Variants in BMP1 observed in about 807,000 individuals in gnomAD.
BMP1 encodes mammalian tolloid protein.
A neutral mutation model predicts 116.8 loss-of-function variants in BMP1; 63 were observed. The ratio of observed to expected loss-of-function variants is 0.54; its 90% CI spans 0.44 to 0.67. BMP1 has a LOEUF of 0.67. BMP1 is among the 30% of genes least tolerant of loss of function. The probability of loss-of-function intolerance (pLI) is 0.00; values close to 1 mark genes in which losing one functional copy is unlikely to be tolerated. For missense variants in BMP1, 1,183 were observed against 1,358.9 expected (o/e 0.87, Z 2.04); for synonymous variants, 536 against 533.4 (o/e 1.00, Z -0.07).
At chr8:22,209,361 G>A (rs761547432) in intron 18 of BMP1, 84 bp from the exon 19 acceptor site, 129 of 1,550,396 alleles carry the variant, frequency 8.3e-5, no homozygotes, top group African/African-American at 3.0e-4. Flanking sequence ...CCATCCTGCC[G>A]TGAGGGCACG....
intron 1 of BMP1, among the ~76,000 whole-genome samples, chr8:22,166,500 A>G (rs1403327630): frequency 6.6e-6 from 1 of 152,188 alleles, no homozygotes; most frequent in Non-Finnish European, 1.5e-5. Context: ...TGATTGGATG[A>G]CCCTGGGCAG....
intron 16 of BMP1, among the ~76,000 whole-genome samples, chr8:22,205,716 G>T (rs1467232425): frequency 6.6e-6 from 1 of 152,180 alleles, no homozygotes; most frequent in East Asian, 1.9e-4. Flanking sequence ...TCAAGGCTAT[G>T]GTGAGCTATG....
At chr8:22,199,689 G>A (rs562836709) in intron 15 of BMP1, among the ~76,000 whole-genome samples, 1 of 152,320 alleles carries the variant, frequency 6.6e-6, no homozygotes, top group East Asian at 1.9e-4. Flanking sequence ...GCCCCCCAAA[G>A]CTTCTAGCAC....
intron 15 of BMP1, chr8:22,199,143 C>A (rs1041859936): frequency 7.3e-7 from 1 of 1,367,636 alleles, no homozygotes; most frequent in South Asian, 1.1e-5. Context: ...ACACACACGC[C>A]CACACGCACA....
chr8:22,165,650 G>C (rs1440683570), intron 1 of BMP1, 97 bp downstream of exon 1: 9 of 1,333,448 alleles, frequency 6.7e-6, no homozygotes, highest in Non-Finnish European at 8.8e-6. Flanking sequence ...GTGGGAAGCC[G>C]GGAGCTGCCT....
chr8:22,179,930 T>A lies in BMP1; in HGVS notation c.961+101T>A, dbSNP rs891680188. The stretch of plus-strand genomic sequence containing the variant: ...ACCAAGAAGGCTTAGGCTGCAAGTC[T>A]TAGAGAATGGTGTGGCGGGGGAGGG... On this transcript the variant is annotated intron_variant, in intron 7 of 19. Coordinates refer to ENST00000306385, the MANE Select transcript of BMP1 (RefSeq NM_006129.5). The surrounding 1 kb of genome is among the most constrained non-coding windows in gnomAD (Gnocchi z 4.6). The A allele has an allele frequency of 2.3e-6, 3 of 1,306,486 alleles. No homozygotes were observed. The highest frequency in any genetic ancestry group is 3.1e-6 in the Non-Finnish European group (3 of 954,286). 80.9% of individuals were successfully genotyped at this position (1,306,486 alleles called of 1,614,324 possible).
At position 22,179,904 on chromosome 8, in the gene BMP1, C is replaced by T. The variant is rs775370724; in HGVS notation, c.961+75C>T. 89 of 1,457,100 alleles carry T rather than the reference C, an allele frequency of 6.1e-5. No homozygotes were observed. The highest frequency in any genetic ancestry group is 8.1e-5 in the Non-Finnish European group (87 of 1,069,806). The allele number at this position is 1,457,100 out of a possible 1,614,324, so 90.3% of individuals were successfully genotyped here. A position where few individuals can be genotyped will look rare whatever the true frequency, so the allele number is the denominator to read the frequency against. On this transcript the variant is annotated intron_variant, in intron 7 of 19. Transcript: ENST00000306385. The surrounding 1 kb of genome is among the most constrained non-coding windows in gnomAD (Gnocchi z 4.6). ...GAGGCAGAGGCCAGGTGCCTGGTGC[C>T]ACCAAGAAGGCTTAGGCTGCAAGTC...
chr8:22,166,872 G>C (rs1828128803), intron 1 of BMP1, among the ~76,000 whole-genome samples: 1 of 152,162 alleles, frequency 6.6e-6, no homozygotes, highest in Non-Finnish European at 1.5e-5. Flanking sequence ...GGGCAGAGTG[G>C]ACTGCGCATG....
At position 22,194,506 on chromosome 8, in the gene BMP1, C is replaced by T. The variant is rs145243090; in HGVS notation, c.1359C>T (p.Asp453=). Residue 453 remains aspartate (D), a synonymous_variant, in exon 11 of 20, where the codon GAC becomes GAT. Transcript: ENST00000306385. The surrounding 1 kb of genome is among the most constrained non-coding windows in gnomAD (Gnocchi z 4.5). ...YGHIQSPNYP[D]DYRPSKVCIW... ...ACATTCAATCGCCCAACTACCCAGA[C>T]GATTACCGGCCCAGCAAAGTCTGCA... 5.9e-5 allele frequency: 96 copies of T among 1,614,182 alleles called. No individual in the cohort carries two copies. The highest frequency in any genetic ancestry group is 1.1e-4 in the African/African-American group (8 of 75,034).
rs976224880 is a variant in BMP1, at chr8:22,194,548, G to A, written c.1401G>A (p.Val467=). 1.2e-6 allele frequency: 2 copies of A among 1,614,088 alleles called. No homozygotes were observed. Among genetic ancestry groups the A allele is most frequent in the Non-Finnish European group, 1.7e-6 (2 of 1,180,046 alleles). ...PSKVCIWRIQ[V]SEGFHVGLTF... is the part of the protein sequence containing the mutation. ...AAGTCTGCATCTGGCGGATCCAGGT[G>A]TCTGAGGGCTTCCACGTGGGCCTCA... Residue 467 remains valine, a synonymous_variant, in exon 11 of 20, where the codon GTG becomes GTA. Transcript: ENST00000306385. The surrounding 1 kb of genome is among the most constrained non-coding windows in gnomAD (Gnocchi z 4.5).
chr8:22,194,886 A>G lies in BMP1; in HGVS notation c.1606A>G (p.Asn536Asp). The G allele has an allele frequency of 1.2e-6, 2 of 1,612,122 alleles. No individual in the cohort carries two copies. The highest frequency in any genetic ancestry group is 1.7e-6 in the Non-Finnish European group (2 of 1,179,472). The change falls in exon 12 of 20, where the codon AAC becomes GAC. Residue 536 changes from asparagine to aspartate, a missense_variant. Coordinates refer to ENST00000306385, the MANE Select transcript of BMP1 (RefSeq NM_006129.5). This position sits in a 1 kb window ranked among gnomAD's most constrained non-coding sequence, Gnocchi z 4.5. ...CAAGTTCGTCTCTGACGGGTCCATT[A>G]ACAAAGCGGGCTTTGCCGTCAACTT... ...WLKFVSDGSI[N>D]KAGFAVNFFK...
chr8:22,177,255 C>A, intron 5 of BMP1, 116 bp downstream of exon 5: 2 of 1,103,686 alleles, frequency 1.8e-6, no homozygotes, highest in Non-Finnish European at 2.6e-6. Flanking sequence ...CCTGGGCCCG[C>A]AGCGCTGCCC....
intron 16 of BMP1, among the ~76,000 whole-genome samples, chr8:22,205,688 T>G (rs1244254516): frequency 2.0e-5 from 3 of 152,120 alleles, no homozygotes; most frequent in Admixed American, 6.5e-5. Flanking sequence ...GGCGGGAGGA[T>G]CAATTGAGCC....
intron 18 of BMP1, 146 bp downstream of exon 18, chr8:22,207,662 C>T: frequency 1.0e-6 from 1 of 967,912 alleles, no homozygotes; most frequent in Non-Finnish European, 1.5e-6. Context: ...AACATTGTGT[C>T]CTGAGAACCA....
chr8:22,180,923 A>G (rs1167350105), intron 8 of BMP1, among the ~76,000 whole-genome samples: 1 of 152,050 alleles, frequency 6.6e-6, no homozygotes, highest in Non-Finnish European at 1.5e-5. Context: ...CCTTGGATGA[A>G]CTGCTCAGCC....
Position 22,194,495 on chromosome 8 carries a change from A to G in BMP1, c.1348A>G (p.Asn450Asp). The G allele has an allele frequency of 6.2e-7, 1 of 1,614,190 alleles. No homozygotes were observed. Among genetic ancestry groups the G allele is most frequent in the Non-Finnish European group, 8.5e-7 (1 of 1,180,024 alleles). The part of the protein sequence containing the change: ...KKDYGHIQSP[N>D]YPDDYRPSKV... ...GGACTATGGCCACATTCAATCGCCC[A>G]ACTACCCAGACGATTACCGGCCCAG... is the stretch of plus-strand genomic sequence containing the variant. Residue 450 changes from asparagine to aspartate, a missense_variant, in exon 11 of 20, where the codon AAC (asparagine) becomes GAC (aspartate). This residue lies in a region of BMP1 where 956 missense variants were observed against 1,135.2 expected (regional missense o/e 0.84). Transcript: ENST00000306385. The surrounding 1 kb of genome is among the most constrained non-coding windows in gnomAD (Gnocchi z 4.5).
chr8:22,165,549 G>A lies in BMP1; in HGVS notation c.144G>A (p.Lys48=), dbSNP rs771035694. Residue 48 remains lysine, a synonymous_variant, in exon 1 of 20, where the codon AAG becomes AAA. Transcript: ENST00000306385. ...CCCTCAACTACAAAGACCCCTGCAA[G>A]GCGGGTGAGCGCCCCCCGGCCCCCC... The part of the protein sequence containing the change: ...SEPLNYKDPC[K]AAAFLGDIAL... The A allele has an allele frequency of 3.2e-6, 5 of 1,582,088 alleles. No individual in the cohort carries two copies. The highest frequency in any genetic ancestry group is 2.8e-5 in the African/African-American group (2 of 71,920).
chr8:22,206,665 C>G (rs547545701), intron 16 of BMP1, among the ~76,000 whole-genome samples, 189 bp from the exon 17 acceptor site: 10 of 152,166 alleles, frequency 6.6e-5, no homozygotes, highest in Middle Eastern at 6.8e-3. Flanking sequence ...TTGTAGGAAT[C>G]GGGCAGCTAG....
chr8:22,188,814 G>A (rs981445742), intron 8 of BMP1, among the ~76,000 whole-genome samples: 2 of 152,206 alleles, frequency 1.3e-5, no homozygotes, highest in African/African-American at 4.8e-5. Context: ...TTCCTCAGCA[G>A]CTGTGACGTC....
Sources: gnomAD v4.1 joint callset for allele counts (sites outside exome capture counted in the v4.1 genomes callset) on GRCh38, gnomAD v4.1.1 for gene constraint, gnomAD v4.1.1 regional missense constraint, Gnocchi (gnomAD v3.1) non-coding constraint, MANE v1.5 for transcripts, NCBI Gene and HGNC (gene_info 2026-07-23, HGNC 2026-07-21) for gene names.